The following NOMO3 variants were observed in gnomAD, a reference collection of about 807,000 sequenced individuals.
NOMO3 encodes the protein NODAL modulator 3, also known as BOS complex subunit NOMO3.
In NOMO3, 15 loss-of-function variants were observed where a neutral mutation model predicts 69.9. The ratio of observed to expected loss-of-function variants is 0.21; its 90% confidence interval spans 0.14 to 0.33. NOMO3 has a LOEUF of 0.33. Ranked by LOEUF, NOMO3 falls within the 10% of genes least tolerant of loss-of-function variation. The pLI is 1.00. For missense variants in NOMO3, 218 were observed against 761.0 expected, an observed-to-expected ratio of 0.29 and a Z score of 8.39; for synonymous variants, 89 against 301.9, an observed-to-expected ratio of 0.29 and a Z score of 7.31.
chr16:16,252,883 G>T (rs2049476364), intron 9 of NOMO3, among the ~76,000 whole-genome samples: 1 of 132,116 alleles, frequency 7.6e-6, no homozygotes, highest in East Asian at 2.5e-4. Context: ...GCTCAAGCTG[G>T]AGTGCAGTGG....
At chr16:16,246,628 CAGA>C (rs2049418570) in intron 5 of NOMO3, among the ~76,000 whole-genome samples, 1 of 135,000 alleles carries the variant, frequency 7.4e-6, no homozygotes, top group Admixed American at 7.1e-5. Flanking sequence ...TAAAATACCA[CAGA>C]AGAAGAAATC....
intron 1 of NOMO3, chr16:16,235,738 G>A (rs1216722813): frequency 7.1e-6 from 3 of 422,748 alleles, no homozygotes; most frequent in Non-Finnish European, 1.4e-5. Flanking sequence ...GGTCTCCTGG[G>A]CTCAAGTGAT....
intron 9 of NOMO3, 120 bp from the exon 10 acceptor site, chr16:16,255,600 A>G: frequency 6.1e-6 from 4 of 656,640 alleles, no homozygotes; most frequent in East Asian, 6.3e-5. Context: ...CGGGGCACTG[A>G]GTGTTGGGAG....
At position 16,237,002 on chromosome 16, in the gene NOMO3, C is replaced by T; in HGVS notation, c.255+12C>T. ...CTTTGTATGATAAGGTAAGAGGGGA[C>T]TGCTTGTCACTTATGATGGGAAGTC... On this transcript the variant is annotated intron_variant, in intron 2 of 30. Transcript: ENST00000399336. 6.3e-7 allele frequency: 1 copy of T among 1,582,054 alleles called. No individual in the cohort carries two copies. The highest frequency in any genetic ancestry group is 8.6e-7 in the Non-Finnish European group (1 of 1,168,994).
At chr16:16,235,584 A>G (rs1282988380) in intron 1 of NOMO3, among the ~76,000 whole-genome samples, 3 of 145,740 alleles carry the variant, frequency 2.1e-5, no homozygotes, top group South Asian at 4.4e-4. Context: ...TGGCACCATC[A>G]TAGCTCACCA....
intron 2 of NOMO3, among the ~76,000 whole-genome samples, chr16:16,237,588 G>A (rs1374785958): frequency 5.8e-5 from 8 of 138,860 alleles, no homozygotes; most frequent in Non-Finnish European, 7.5e-5. Flanking sequence ...TCGCTCTGTC[G>A]CCCAGGCTGG....
At position 16,263,063 on chromosome 16, in the gene NOMO3, C is replaced by T. The variant is rs763129657; in HGVS notation, c.1396-11C>T. The T allele has an allele frequency of 1.9e-5, 30 of 1,594,996 alleles. 1 individual carries two copies. Among genetic ancestry groups the T allele is most frequent in the Admixed American group, 1.4e-4 (8 of 58,982 alleles). On this transcript the variant is annotated splice_polypyrimidine_tract_variant and intron_variant, in intron 12 of 30. Coordinates refer to ENST00000399336, the MANE Select transcript of NOMO3 (RefSeq NM_001004067.4). The stretch of plus-strand genomic sequence containing the variant: ...AATGCAGCCTCTAACGTTCCATCCA[C>T]GTTTCCGCAGGTGATGGTTCCTGAG...
intron 14 of NOMO3, 132 bp from the exon 15 acceptor site, chr16:16,264,911 A>G (rs1190752641): frequency 1.7e-6 from 1 of 589,322 alleles, no homozygotes; most frequent in African/African-American, 2.5e-5. Flanking sequence ...GTATGTGTAT[A>G]TTTCTATCTT....
At chr16:16,250,348 A>T (rs965260904) in intron 6 of NOMO3, among the ~76,000 whole-genome samples, 3 of 118,288 alleles carry the variant, frequency 2.5e-5, no homozygotes, top group Non-Finnish European at 4.9e-5. Flanking sequence ...CTCATTAAAA[A>T]AATTGGAACA....
Position 16,255,823 on chromosome 16 carries a change from A to C in NOMO3, c.1067A>C (p.Lys356Thr), listed in dbSNP as rs776329066. ...GTAGTCACCCTGAATAACCAAATCA[A>C]AGGTGGGCTGACACAGCAGCCCCAG... ...EAVVTLNNQIKVKTKADGSFR... is the reference protein window; with the variant it reads ...EAVVTLNNQITVKTKADGSFR... Residue 356 changes from lysine to threonine, a missense_variant and splice_region_variant, in exon 10 of 31, where the codon AAA becomes ACA. Transcript: ENST00000399336. The C allele has an allele frequency of 9.0e-6, 14 of 1,551,960 alleles. 2 individuals are homozygous for C. In the South Asian group the frequency reaches 1.6e-4, roughly 18 times the overall value.
intron 11 of NOMO3, among the ~76,000 whole-genome samples, chr16:16,259,583 G>A (rs2049546925): frequency 1.8e-5 from 2 of 108,816 alleles, no homozygotes; most frequent in South Asian, 6.9e-4. Flanking sequence ...CACCCGCCTC[G>A]GCTTCCCAAA....
chr16:16,259,699 T>C (rs2049548018), intron 11 of NOMO3, among the ~76,000 whole-genome samples: 1 of 50,058 alleles, frequency 2.0e-5, no homozygotes, highest in Non-Finnish European at 3.4e-5. Context: ...TCTGTCCAAA[T>C]GACTGTGAAA....
intron 16 of NOMO3, chr16:16,267,360 A>T (rs427759): frequency 0.23 from 114,231 of 494,890 alleles, 16,838 homozygotes; most frequent in African/African-American, 0.3. Context: ...CTCTTTATAG[A>T]GCTGTTTTAA....
At chr16:16,260,209 A>C (rs2049551089) in intron 11 of NOMO3, among the ~76,000 whole-genome samples, 2 of 113,432 alleles carry the variant, frequency 1.8e-5, no homozygotes, top group South Asian at 6.8e-4. Flanking sequence ...TACGGTCTCT[A>C]GGACAACAGC....
rs537379706 is a variant in NOMO3 at position 16,261,039 on chromosome 16, C to T, written c.1221-463C>T. 2.7e-3 allele frequency: 434 copies of T among 163,650 alleles called. 15 individuals carry two copies. The highest frequency in any genetic ancestry group is 8.0e-3 in the Admixed American group (142 of 17,660). The allele number at this position is 163,650 out of a possible 1,614,324, so 10.1% of individuals were successfully genotyped here. A position where few individuals can be genotyped will look rare whatever the true frequency, so the allele number is the denominator to read the frequency against. ...TATATATAATCACAAGCAAGGAAGA[C>T]GTCTTTGATAATCCTGACTTATTTG... On this transcript the variant is annotated intron_variant, in intron 11 of 30. Coordinates refer to ENST00000399336, the MANE Select transcript of NOMO3 (RefSeq NM_001004067.4).
Position 16,239,112 on chromosome 16 carries a change from G to C in NOMO3, c.256-739G>C, listed in dbSNP as rs1375618205. 1.4e-5 allele frequency among the ~76,000 whole-genome samples: 2 copies of C among 142,728 alleles called. 1 individual carries two copies. The highest frequency in any genetic ancestry group is 5.7e-5 in the African/African-American group (2 of 35,078). The allele number at this position is 142,728 out of a possible 152,430, so 93.6% of individuals were successfully genotyped here. A position where few individuals can be genotyped will look rare whatever the true frequency, so the allele number is the denominator to read the frequency against. On this transcript the variant is annotated intron_variant, in intron 2 of 30. Transcript: ENST00000399336. Reference sequence around the variant, plus strand: ...AAACTAAAACAAAAACAGAAACCAGGGTTGATAAGTAAAATCTAGTTTTAT... The same window carrying C: ...AAACTAAAACAAAAACAGAAACCAGCGTTGATAAGTAAAATCTAGTTTTAT...
chr16:16,268,227 T>C (rs953784648), intron 16 of NOMO3, among the ~76,000 whole-genome samples: 1 of 144,880 alleles, frequency 6.9e-6, no homozygotes, highest in African/African-American at 2.8e-5. Context: ...TGTGTCCGTA[T>C]GTTTTCGTTT....
At chr16:16,274,259 T>TTGGATGGATGGA (rs879029300) in intron 20 of NOMO3, among the ~76,000 whole-genome samples, 184 bp downstream of exon 20, 4 of 117,378 alleles carry the variant, frequency 3.4e-5, no homozygotes, top group Admixed American at 1.8e-4. Flanking sequence ...GATGGTTGGG[T>TTGGATGGATGGA]TGGATGGATG....
chr16:16,241,112 A>G (rs1162644106), intron 3 of NOMO3, among the ~76,000 whole-genome samples: 1 of 143,492 alleles, frequency 7.0e-6, no homozygotes, highest in Admixed American at 6.8e-5. Context: ...TCCACCATCC[A>G]GATAATAAGA....
Sources: allele counts gnomAD v4.1 joint callset (sites outside exome capture counted in the v4.1 genomes callset), GRCh38; gene constraint gnomAD v4.1.1; transcripts MANE v1.5; gene names NCBI Gene and HGNC (gene_info 2026-07-23, HGNC 2026-07-21).